Variants in PDE4D observed in about 807,000 individuals in gnomAD.
PDE4D encodes the protein 3',5'-cyclic-AMP phosphodiesterase 4D.
PDE4D carries 24 observed loss-of-function variants against 87.4 expected under a neutral mutation model. That is an observed-to-expected ratio of 0.27 (90% CI 0.20 to 0.39). The LOEUF (loss-of-function observed/expected upper bound fraction) is 0.39, where lower values mean the gene tolerates loss of function less well. Among genes scored for constraint, PDE4D ranks in the 10% least tolerant of loss-of-function variants. The probability of loss-of-function intolerance (pLI) is 1.00; values close to 1 mark genes in which losing one functional copy is unlikely to be tolerated. For synonymous variants in PDE4D, 384 were observed against 383.2 expected, an observed-to-expected ratio of 1.00 and a Z score of -0.02; for missense variants, 714 against 1,041.0, an observed-to-expected ratio of 0.69 and a Z score of 4.32.
chr5:59,093,759 C>T (rs1338854945), intron 5 of PDE4D, among the ~76,000 whole-genome samples: 1 of 152,038 alleles, frequency 6.6e-6, no homozygotes, highest in Non-Finnish European at 1.5e-5. Context: ...AATGAACAGC[C>T]TCTTAAGGAA....
rs552919717 is a variant in PDE4D at position 58,974,157 on chromosome 5, T to C, written c.*507A>G. 4.6e-5 allele frequency: 7 copies of C among 152,930 alleles called. No individual in the cohort carries two copies. Among genetic ancestry groups the C allele is most frequent in the African/African-American group, 1.7e-4 (7 of 41,540 alleles). 9.5% of individuals were successfully genotyped at this position (152,930 alleles called of 1,614,324 possible). ...CTGAACCACACTATTCAGTCATGTA[T>C]CAGGAAGACTTGAAATTAGAAAATT... On this transcript the variant is annotated 3_prime_UTR_variant, in exon 15 of 15. Coordinates refer to ENST00000340635, the MANE Select transcript of PDE4D (RefSeq NM_001104631.2).
chr5:59,765,538 C>CT (rs1234807044), intron 1 of PDE4D, among the ~76,000 whole-genome samples: 2 of 152,212 alleles, frequency 1.3e-5, no homozygotes, highest in Non-Finnish European at 2.9e-5. Flanking sequence ...GGCCATAGAA[C>CT]TGAGTTCCAG....
At chr5:60,138,631 T>A (rs959028628) in intron 2 of PDE4D, among the ~76,000 whole-genome samples, 1 of 152,090 alleles carries the variant, frequency 6.6e-6, no homozygotes, top group East Asian at 1.9e-4. Context: ...CTTTGAATTA[T>A]ATACGTTCTC....
intron 1 of PDE4D, chr5:60,185,803 C>T (rs146721975): frequency 4.5e-5 from 19 of 418,358 alleles, no homozygotes; most frequent in African/African-American, 3.2e-4. Flanking sequence ...CAGGCTAAAA[C>T]GGTGCTGTGT....
At chr5:60,250,437 C>A (rs2149681493) in intron 1 of PDE4D, among the ~76,000 whole-genome samples, 1 of 151,982 alleles carries the variant, frequency 6.6e-6, no homozygotes, top group East Asian at 1.9e-4. Context: ...CATCCCTAAG[C>A]CTTCTCTATC....
At chr5:59,572,474 TG>T (rs1822015000) in intron 1 of PDE4D, among the ~76,000 whole-genome samples, 1 of 151,474 alleles carries the variant, frequency 6.6e-6, no homozygotes, top group South Asian at 2.1e-4. Flanking sequence ...TGTTTTGTTT[TG>T]TTTTTGTTTT....
intron 1 of PDE4D, among the ~76,000 whole-genome samples, chr5:59,516,771 TATCAGGGAAATTAAA>T (rs1367592723): frequency 2.6e-5 from 4 of 152,130 alleles, no homozygotes; most frequent in African/African-American, 9.7e-5. Context: ...TTAAATGTAT[TATCAGGGAAATTAAA>T]ATTAATTAAA....
In PDE4D at chr5:59,248,041, G is replaced by GCAAAAAAAAA. The variant is rs1561805685; in HGVS notation, c.456-32074_456-32073insTTTTTTTTTG. Among the ~76,000 whole-genome samples, 2 of 47,836 alleles carry GCAAAAAAAAA rather than the reference G, an allele frequency of 4.2e-5. 1 individual carries two copies. Among genetic ancestry groups the GCAAAAAAAAA allele is most frequent in the Non-Finnish European group, 8.1e-5 (2 of 24,832 alleles). 31.4% of individuals were successfully genotyped at this position (47,836 alleles called of 152,430 possible). ...ATTTTATTGGATACCGTATCTATTA[G>GCAAAAAAAAA]TAAAAAAAAAAAAAAAAAAAAAAAA... is the stretch of plus-strand genomic sequence containing the variant. On this transcript the variant is annotated intron_variant, in intron 1 of 14. Transcript: ENST00000340635.
intron 1 of PDE4D, among the ~76,000 whole-genome samples, chr5:59,471,785 T>C (rs528055564): frequency 2.0e-4 from 30 of 152,348 alleles, no homozygotes; most frequent in African/African-American, 6.7e-4. Flanking sequence ...ACATAGAGTG[T>C]TGTCTTTTTG....
At chr5:60,115,428 G>A (rs1272323138) in intron 2 of PDE4D, among the ~76,000 whole-genome samples, 1 of 152,062 alleles carries the variant, frequency 6.6e-6, no homozygotes, top group Non-Finnish European at 1.5e-5. Context: ...AATGGACTAT[G>A]TAAGAAGGTC....
At position 59,794,147 on chromosome 5, in the gene PDE4D, A is replaced by G. The variant is rs1316598269; in HGVS notation, c.455+99021T>C. Among the ~76,000 whole-genome samples the G allele has an allele frequency of 2.0e-3, 125 of 63,390 alleles. 1 individual carries two copies. The highest frequency in any genetic ancestry group is 8.6e-3 in the Middle Eastern group (1 of 116). The allele number at this position is 63,390 out of a possible 152,430, so 41.6% of individuals were successfully genotyped here. On this transcript the variant is annotated intron_variant, in intron 1 of 14. Transcript: ENST00000340635. ...CACACACACAGAGGCGCACACACACACACACACACACACACACACACACAC... is the reference window on the plus strand; with the variant it reads ...CACACACACAGAGGCGCACACACACGCACACACACACACACACACACACAC...
chr5:60,049,340 T>C (rs1005769821), intron 2 of PDE4D, among the ~76,000 whole-genome samples: 9 of 152,334 alleles, frequency 5.9e-5, no homozygotes, highest in African/African-American at 1.9e-4. Flanking sequence ...CGTAATTTGA[T>C]TGTCTGAAGC....
At chr5:59,375,462 T>C (rs945587468) in intron 1 of PDE4D, among the ~76,000 whole-genome samples, 1 of 152,012 alleles carries the variant, frequency 6.6e-6, no homozygotes, top group Admixed American at 6.5e-5. Context: ...TTCCTGGACA[T>C]ACATACTCTC....
Position 59,490,702 on chromosome 5 carries a change from A to G in PDE4D, c.456-274734T>C, listed in dbSNP as rs1368544571. Among the ~76,000 whole-genome samples, 4 of 152,332 alleles carry G rather than the reference A, an allele frequency of 2.6e-5. No individual in the cohort carries two copies. The East Asian group carries it at 7.7e-4, about 29-fold the overall frequency. On this transcript the variant is annotated intron_variant, in intron 1 of 14. Transcript: ENST00000340635. ...ATAATAGTAAATTAAAGTAAAATAA[A>G]CTATTATAACCAAATTTATCTTGTT...
intron 1 of PDE4D, among the ~76,000 whole-genome samples, chr5:59,600,663 G>A (rs1827370144): frequency 6.6e-6 from 1 of 152,130 alleles, no homozygotes; most frequent in Non-Finnish European, 1.5e-5. Context: ...GACAGCAGAG[G>A]AAGTTTATGT....
intron 1 of PDE4D, among the ~76,000 whole-genome samples, chr5:59,468,065 A>G (rs1005635548): frequency 7.9e-5 from 12 of 152,248 alleles, no homozygotes; most frequent in Non-Finnish European, 1.5e-5. Flanking sequence ...AATGTTTAAA[A>G]GCTGCATTTA....
chr5:59,795,933 A>G (rs1426953853), intron 1 of PDE4D, among the ~76,000 whole-genome samples: 1 of 152,206 alleles, frequency 6.6e-6, no homozygotes, highest in Non-Finnish European at 1.5e-5. Flanking sequence ...GGAAGGCACT[A>G]TGAAGAAACA....
intron 1 of PDE4D, among the ~76,000 whole-genome samples, chr5:59,645,071 T>C (rs1310348586): frequency 6.6e-6 from 1 of 152,196 alleles, no homozygotes; most frequent in Non-Finnish European, 1.5e-5. Context: ...GGAGGAGACT[T>C]CATAAAATGA....
intron 1 of PDE4D, among the ~76,000 whole-genome samples, chr5:59,666,752 T>C (rs1580271891): frequency 6.6e-6 from 1 of 152,294 alleles, no homozygotes; most frequent in East Asian, 1.9e-4. Flanking sequence ...CGTTAGAAAT[T>C]TGCCCCTACA....
Sources: allele counts gnomAD v4.1 joint callset (sites outside exome capture counted in the v4.1 genomes callset), GRCh38; gene constraint gnomAD v4.1.1; transcripts MANE v1.5; gene names NCBI Gene and HGNC (gene_info 2026-07-23, HGNC 2026-07-21).